Variants in WRN observed in about 807,000 individuals in gnomAD.
WRN encodes the protein WRN RecQ like helicase.
A neutral mutation model predicts 180.7 loss-of-function variants in WRN; 149 were observed. That is an observed-to-expected ratio of 0.82 (90% CI 0.72 to 0.94). The LOEUF (loss-of-function observed/expected upper bound fraction) is 0.94. Ranked by LOEUF, WRN falls within the 40% of genes least tolerant of loss-of-function variation. The probability of loss-of-function intolerance (pLI) is 0.00; values close to 1 mark genes in which losing one functional copy is unlikely to be tolerated. For missense variants in WRN, 1,661 were observed against 1,700.1 expected, an observed-to-expected ratio of 0.98 and a Z score of 0.40; for synonymous variants, 548 against 568.9, an observed-to-expected ratio of 0.96 and a Z score of 0.52.
intron 1 of WRN, among the ~76,000 whole-genome samples, chr8:31,051,010 A>G (rs1430830956): frequency 6.6e-6 from 1 of 152,122 alleles, no homozygotes; most frequent in East Asian, 1.9e-4. Context: ...TAAGCATTGC[A>G]TTATTTAACT....
chr8:31,089,089 T>A, intron 13 of WRN, 124 bp downstream of exon 13: 1 of 746,588 alleles, frequency 1.3e-6, no homozygotes, highest in Non-Finnish European at 2.3e-6. Flanking sequence ...CATGCCACAC[T>A]GTATTTTCTG....
intron 28 of WRN, 45 bp from the exon 29 acceptor site, chr8:31,147,008 G>A (rs1261800549): frequency 6.7e-7 from 1 of 1,494,488 alleles, no homozygotes; most frequent in Admixed American, 1.7e-5. Context: ...AGTCAATGAG[G>A]AGAAAGAAAA....
intron 1 of WRN, among the ~76,000 whole-genome samples, chr8:31,046,749 C>T (rs906250893): frequency 6.6e-6 from 1 of 152,144 alleles, no homozygotes; most frequent in Non-Finnish European, 1.5e-5. Flanking sequence ...TGTAGCTGCT[C>T]CTGGAAGTTT....
At chr8:31,126,289 T>G (rs139342874) in intron 23 of WRN, among the ~76,000 whole-genome samples, 2 of 152,318 alleles carry the variant, frequency 1.3e-5, no homozygotes, top group African/African-American at 4.8e-5. Flanking sequence ...AATCTTGTAT[T>G]TGTATATTTT....
chr8:31,159,635 A>G (rs189958815), intron 33 of WRN, among the ~76,000 whole-genome samples: 459 of 151,960 alleles, frequency 3.0e-3, no homozygotes, highest in African/African-American at 0.011. Context: ...CCAAAAAATT[A>G]TATCTATTAA....
chr8:31,173,401 TG>T lies in WRN; in HGVS notation c.*301del. On this transcript the variant is annotated 3_prime_UTR_variant, in exon 35 of 35. Coordinates refer to ENST00000298139, the MANE Select transcript of WRN (RefSeq NM_000553.6). ...AATCTCTTTATTAAAACAGTGTATT[TG>T]GAAAATGTTATGTGCTCTGATTTGA... 1 of 367,500 alleles carries T rather than the reference TG, an allele frequency of 2.7e-6. No homozygotes were observed. The highest frequency in any genetic ancestry group is 5.0e-6 in the Non-Finnish European group (1 of 199,972). The allele number at this position is 367,500 out of a possible 1,614,324, so 22.8% of individuals were successfully genotyped here.
In WRN at chr8:31,174,850, T is replaced by TC. The variant is rs1158522618; in HGVS notation, c.*1750dup. Among the ~76,000 whole-genome samples the TC allele has an allele frequency of 8.7e-6, 1 of 115,392 alleles. No homozygotes were observed. Among genetic ancestry groups the TC allele is most frequent in the African/African-American group, 3.3e-5 (1 of 30,088 alleles). The allele number at this position is 115,392 out of a possible 152,430, so 75.7% of individuals were successfully genotyped here. ...CTCCCTCCCTCCCTCCCTCCCTCCC[T>TC]CCTTTCTTTTTCTTTCTCTTTCTTT... is the stretch of plus-strand genomic sequence containing the variant. On this transcript the variant is annotated 3_prime_UTR_variant, in exon 35 of 35. Transcript: ENST00000298139.
chr8:31,155,325 C>T (rs1259173140), intron 32 of WRN, among the ~76,000 whole-genome samples: 1 of 152,080 alleles, frequency 6.6e-6, no homozygotes, highest in African/African-American at 2.4e-5. Context: ...ATTGCTGTAA[C>T]AAATGACCAT....
chr8:31,151,517 G>C (rs1172446210), intron 31 of WRN, among the ~76,000 whole-genome samples: 2 of 151,982 alleles, frequency 1.3e-5, no homozygotes, highest in Non-Finnish European at 2.9e-5. Flanking sequence ...ATTTCTTACT[G>C]AGTTTTTGGA....
intron 34 of WRN, among the ~76,000 whole-genome samples, chr8:31,170,737 G>A (rs1804068654): frequency 6.6e-6 from 1 of 152,116 alleles, no homozygotes; most frequent in African/African-American, 2.4e-5. Context: ...ACTGATGAAG[G>A]AAATAGACAC....
intron 14 of WRN, 41 bp from the exon 15 acceptor site, chr8:31,090,793 A>T (rs541060695): frequency 1.4e-6 from 2 of 1,473,578 alleles, no homozygotes; most frequent in Admixed American, 1.8e-5. Context: ...TTTTATTTCT[A>T]TATTTTTTTC....
intron 26 of WRN, among the ~76,000 whole-genome samples, chr8:31,142,196 C>T (rs1382825460): frequency 1.3e-5 from 2 of 152,140 alleles, no homozygotes; most frequent in Non-Finnish European, 2.9e-5. Context: ...ATCCTCCTGC[C>T]TCAGCCTCCC....
intron 1 of WRN, among the ~76,000 whole-genome samples, chr8:31,053,854 GTAT>G (rs1812167149): frequency 6.6e-6 from 1 of 152,146 alleles, no homozygotes; most frequent in Non-Finnish European, 1.5e-5. Flanking sequence ...CAAAGCTTTA[GTAT>G]TATTTTGAAA....
chr8:31,076,355 TATGTGAAGAATAC>T, intron 8 of WRN, 68 bp downstream of exon 8: 1 of 1,330,962 alleles, frequency 7.5e-7, no homozygotes, highest in Non-Finnish European at 1.1e-6. Context: ...CATTTTCCTA[TATGTGAAGAATAC>T]TATTCATTAA....
At chr8:31,142,454 C>G (rs1157076287) in intron 26 of WRN, among the ~76,000 whole-genome samples, 172 bp from the exon 27 acceptor site, 2 of 151,764 alleles carry the variant, frequency 1.3e-5, no homozygotes, top group African/African-American at 4.8e-5. Context: ...TTTTTTCTTT[C>G]AAACATCTTA....
intron 3 of WRN, among the ~76,000 whole-genome samples, chr8:31,061,251 G>T (rs1812474049): frequency 1.3e-5 from 2 of 151,582 alleles, no homozygotes; most frequent in Non-Finnish European, 2.9e-5. Context: ...CTTCTGTAGT[G>T]TCTGGTCTGT....
At chr8:31,106,756 CTG>C (rs1483327457) in intron 18 of WRN, among the ~76,000 whole-genome samples, 6 of 151,522 alleles carry the variant, frequency 4.0e-5, no homozygotes, top group African/African-American at 1.5e-4. Flanking sequence ...GTCTAACTTA[CTG>C]TGTTATATTT....
chr8:31,055,794 A>T (rs1347150546), intron 1 of WRN, among the ~76,000 whole-genome samples: 1 of 152,192 alleles, frequency 6.6e-6, no homozygotes, highest in Non-Finnish European at 1.5e-5. Flanking sequence ...TACATGCTCA[A>T]CGACATAGCG....
At chr8:31,124,443 A>C in intron 21 of WRN, 79 bp from the exon 22 acceptor site, 1 of 1,082,868 alleles carries the variant, frequency 9.2e-7, no homozygotes, top group Non-Finnish European at 1.4e-6. Flanking sequence ...AAAAATAAAC[A>C]GTAAAAAATA....
Sources: gnomAD v4.1 joint callset for allele counts (sites outside exome capture counted in the v4.1 genomes callset) on GRCh38, gnomAD v4.1.1 for gene constraint, MANE v1.5 for transcripts, NCBI Gene and HGNC (gene_info 2026-07-23, HGNC 2026-07-21) for gene names.